Variants in KALRN observed in about 807,000 individuals in gnomAD.
The protein encoded by KALRN is kalirin RhoGEF kinase.
A neutral mutation model predicts 353.7 loss-of-function variants in KALRN; 70 were observed. That is an observed-to-expected ratio of 0.20 (90% CI 0.16 to 0.24). The LOEUF (loss-of-function observed/expected upper bound fraction) is 0.24. Ranked by LOEUF, KALRN falls within the 10% of genes least tolerant of loss-of-function variation. The pLI, the probability that KALRN is intolerant of heterozygous loss-of-function variation, is 1.00. For missense variants in KALRN, 2,791 were observed against 3,756.7 expected (o/e 0.74, Z 6.72); for synonymous variants, 1,391 against 1,434.8 (o/e 0.97, Z 0.69).
chr3:124,308,225 G>A (rs1206921763), intron 6 of KALRN, among the ~76,000 whole-genome samples: 1 of 151,940 alleles, frequency 6.6e-6, no homozygotes, highest in Non-Finnish European at 1.5e-5. Flanking sequence ...GTATTAATTG[G>A]AGACTTCAAT....
intron 33 of KALRN, among the ~76,000 whole-genome samples, chr3:124,520,867 T>G (rs2067106002): frequency 6.6e-6 from 1 of 152,200 alleles, no homozygotes. Context: ...TACTTTGTTT[T>G]CCAAATGAAG....
intron 34 of KALRN, chr3:124,584,934 CTTCTG>C (rs752972711): frequency 6.4e-7 from 1 of 1,562,022 alleles, no homozygotes; most frequent in South Asian, 1.2e-5. Context: ...GCCTTGGTGC[CTTCTG>C]TTAGCCAGAC....
intron 1 of KALRN, among the ~76,000 whole-genome samples, chr3:124,142,932 C>A (rs1023401963): frequency 6.6e-6 from 1 of 152,106 alleles, no homozygotes; most frequent in Non-Finnish European, 1.5e-5. Flanking sequence ...CCACAAATGC[C>A]TCTGAACCCC....
Position 124,528,443 on chromosome 3 carries a change from A to G in KALRN, c.4935+32030A>G, listed in dbSNP as rs1577736076. 2.0e-5 allele frequency among the ~76,000 whole-genome samples: 3 copies of G among 152,282 alleles called. No individual in the cohort carries two copies. The Middle Eastern group carries it at 0.01, about 518-fold the overall frequency. ...AGTTGTGGGTAAATGTAGCTTCCCT[A>G]TGTCCTCTCCCCAAGCCCCACTTAG... On this transcript the variant is annotated intron_variant, in intron 33 of 59. Coordinates refer to ENST00000682506, the MANE Select transcript of KALRN (RefSeq NM_001388419.1).
At chr3:124,674,851 A>C (rs992703652) in intron 49 of KALRN, 2 of 420,488 alleles carry the variant, frequency 4.8e-6, no homozygotes, top group Non-Finnish European at 4.1e-6. Flanking sequence ...TTTGGTTTAT[A>C]ATTTTCTGTT....
At chr3:124,354,895 A>C (rs1481178390) in intron 10 of KALRN, among the ~76,000 whole-genome samples, 1 of 152,240 alleles carries the variant, frequency 6.6e-6, no homozygotes, top group Admixed American at 6.5e-5. Flanking sequence ...ATGCAGAAAC[A>C]AAATGAAGAT....
intron 1 of KALRN, among the ~76,000 whole-genome samples, chr3:124,171,144 G>C (rs1311927906): frequency 6.6e-6 from 1 of 152,002 alleles, no homozygotes; most frequent in African/African-American, 2.4e-5. Flanking sequence ...TGCTACCCCT[G>C]TTCTCAGAAG....
chr3:124,133,980 A>G (rs1345695159), intron 1 of KALRN, among the ~76,000 whole-genome samples: 2 of 152,202 alleles, frequency 1.3e-5, no homozygotes, highest in Non-Finnish European at 2.9e-5. Flanking sequence ...ATTCAATGCA[A>G]TCCCCATCAA....
intron 2 of KALRN, among the ~76,000 whole-genome samples, chr3:124,231,838 T>A (rs1310789692): frequency 6.6e-6 from 1 of 152,110 alleles, no homozygotes; most frequent in Non-Finnish European, 1.5e-5. Flanking sequence ...TATCATGGGG[T>A]CCTTATTATT....
At position 124,085,393 on chromosome 3, in the gene KALRN, T is replaced by C. The variant is rs145576796; in HGVS notation, c.73+51580T>C. 2.3e-4 allele frequency among the ~76,000 whole-genome samples: 35 copies of C among 152,330 alleles called. No homozygotes were observed. In the East Asian group the frequency reaches 6.6e-3, roughly 29 times the overall value. The stretch of plus-strand genomic sequence containing the variant: ...CTAAGTGGCTGACAAATGAATGATC[T>C]GAGAGGAGTTGAGGTTCTTCCTGAA... On this transcript the variant is annotated intron_variant, in intron 1 of 59. Coordinates refer to ENST00000682506, the MANE Select transcript of KALRN (RefSeq NM_001388419.1).
chr3:124,659,580 G>A (rs369615008), intron 43 of KALRN, 123 bp downstream of exon 43: 6 of 662,962 alleles, frequency 9.1e-6, no homozygotes, highest in South Asian at 7.7e-5. Context: ...ACTGTGAACT[G>A]TGGGAGGGGT....
chr3:124,383,929 G>A (rs1018591999), intron 10 of KALRN, among the ~76,000 whole-genome samples: 8 of 152,094 alleles, frequency 5.3e-5, no homozygotes, highest in Non-Finnish European at 1.2e-4. Context: ...CGCCACTCTA[G>A]AGTTTTGTGC....
chr3:124,625,161 T>G (rs955247228), intron 34 of KALRN, among the ~76,000 whole-genome samples: 8 of 152,318 alleles, frequency 5.3e-5, no homozygotes, highest in African/African-American at 1.9e-4. Flanking sequence ...CCTTATGAGA[T>G]AGGTTCTAAT....
intron 1 of KALRN, among the ~76,000 whole-genome samples, chr3:124,072,233 C>T (rs2149272480): frequency 6.6e-6 from 1 of 152,276 alleles, no homozygotes; most frequent in South Asian, 2.1e-4. Flanking sequence ...TTCTGCAAGT[C>T]CTTGTAAAGG....
At chr3:124,424,506 A>G (rs551201380) in intron 15 of KALRN, among the ~76,000 whole-genome samples, 7 of 151,978 alleles carry the variant, frequency 4.6e-5, no homozygotes, top group Non-Finnish European at 1.0e-4. Flanking sequence ...TCCACTCCCC[A>G]TCTCTCCCAA....
rs1030304904 is a variant in KALRN at position 124,564,602 on chromosome 3, C to A, written c.5182+1513C>A. Among the ~76,000 whole-genome samples the A allele has an allele frequency of 4.3e-4, 65 of 152,228 alleles. 1 individual carries two copies. Among genetic ancestry groups the A allele is most frequent in the African/African-American group, 1.5e-3 (64 of 41,530 alleles). Reference sequence around the variant, plus strand: ...GGCTGGGGCAGGAGGATCATTTGAGCCTGGGAAGACAAGATTACAGTAAAC... The same window carrying A: ...GGCTGGGGCAGGAGGATCATTTGAGACTGGGAAGACAAGATTACAGTAAAC... On this transcript the variant is annotated intron_variant, in intron 34 of 59. Coordinates refer to ENST00000682506, the MANE Select transcript of KALRN (RefSeq NM_001388419.1).
intron 27 of KALRN, among the ~76,000 whole-genome samples, chr3:124,479,810 G>A (rs1024813203): frequency 7.2e-6 from 1 of 138,766 alleles, no homozygotes; most frequent in African/African-American, 2.7e-5. Context: ...TGCAAGCTCC[G>A]CCTCCTGGGT....
intron 13 of KALRN, among the ~76,000 whole-genome samples, chr3:124,406,494 TAG>T (rs1180077873): frequency 6.6e-6 from 1 of 152,348 alleles, no homozygotes. Context: ...CCAGCATTTG[TAG>T]GGCAGTGGAG....
intron 10 of KALRN, among the ~76,000 whole-genome samples, chr3:124,368,828 G>A (rs2085395147): frequency 6.6e-6 from 1 of 152,200 alleles, no homozygotes; most frequent in Non-Finnish European, 1.5e-5. Context: ...GGGAGGCCGA[G>A]GCTGGCGGAT....
Sources: allele counts gnomAD v4.1 joint callset (sites outside exome capture counted in the v4.1 genomes callset), GRCh38; gene constraint gnomAD v4.1.1; transcripts MANE v1.5; gene names NCBI Gene and HGNC (gene_info 2026-07-23, HGNC 2026-07-21).